The following PTPRK variants were observed in gnomAD, a reference collection of about 807,000 sequenced individuals.
PTPRK encodes protein tyrosine phosphatase receptor type K, also known as receptor-type tyrosine-protein phosphatase kappa.
Under a neutral mutation model 178.0 loss-of-function variants are expected in PTPRK, and 75 were observed. That is an observed-to-expected ratio of 0.42 (90% confidence interval 0.35 to 0.51). PTPRK has a LOEUF of 0.51. Ranked by LOEUF, PTPRK falls within the 20% of genes least tolerant of loss-of-function variation. The pLI is 0.02. For synonymous variants in PTPRK, 637 were observed against 620.6 expected (o/e 1.03, Z -0.39); for missense variants, 1,441 against 1,797.8 (o/e 0.80, Z 3.59).
intron 1 of PTPRK, among the ~76,000 whole-genome samples, chr6:128,513,147 G>C (rs926301061): frequency 6.6e-6 from 1 of 151,994 alleles, no homozygotes; most frequent in Admixed American, 6.6e-5. Flanking sequence ...TTGTTTTGAT[G>C]TGTCTGGAAT....
chr6:128,276,730 T>C (rs1233853137), intron 3 of PTPRK, among the ~76,000 whole-genome samples: 5 of 150,688 alleles, frequency 3.3e-5, no homozygotes, highest in Admixed American at 1.3e-4. Context: ...TGAAGAAACA[T>C]AGAAGGAGTT....
At chr6:128,492,749 A>G (rs932080397) in intron 1 of PTPRK, among the ~76,000 whole-genome samples, 1 of 152,162 alleles carries the variant, frequency 6.6e-6, no homozygotes, top group Admixed American at 6.5e-5. Flanking sequence ...TGGCCTGAAA[A>G]TAGTCTTAAG....
At chr6:127,997,519 C>T (rs903493985) in intron 16 of PTPRK, among the ~76,000 whole-genome samples, 2 of 151,968 alleles carry the variant, frequency 1.3e-5, no homozygotes, top group African/African-American at 4.8e-5. Context: ...AATAGAGTCC[C>T]CTTCTTCAAG....
At chr6:128,319,897 G>C (rs555535140) in intron 3 of PTPRK, among the ~76,000 whole-genome samples, 2 of 152,206 alleles carry the variant, frequency 1.3e-5, no homozygotes, top group South Asian at 2.1e-4. Flanking sequence ...GTAATTTACT[G>C]AGCACTAAGC....
chr6:128,207,826 A>T (rs1222991880), intron 6 of PTPRK, among the ~76,000 whole-genome samples: 2 of 152,164 alleles, frequency 1.3e-5, no homozygotes, highest in African/African-American at 4.8e-5. Context: ...TCCCCTTTTC[A>T]CTGACGCTAA....
At chr6:128,179,582 A>T (rs1035471550) in intron 7 of PTPRK, among the ~76,000 whole-genome samples, 1 of 152,056 alleles carries the variant, frequency 6.6e-6, no homozygotes, top group South Asian at 2.1e-4. Flanking sequence ...AAAAAATTTA[A>T]AGCAAGCATT....
chr6:128,411,502 C>A (rs911936895), intron 1 of PTPRK, among the ~76,000 whole-genome samples: 2 of 152,130 alleles, frequency 1.3e-5, no homozygotes, highest in Admixed American at 1.3e-4. Context: ...GTTCAATGAT[C>A]AAATCTATTC....
chr6:128,170,626 T>C (rs1241620483), intron 7 of PTPRK, among the ~76,000 whole-genome samples: 3 of 152,006 alleles, frequency 2.0e-5, no homozygotes, highest in Non-Finnish European at 4.4e-5. Flanking sequence ...TTCATGGTCA[T>C]CTCTTAAATT....
At chr6:128,039,021 T>C (rs936368625) in intron 13 of PTPRK, among the ~76,000 whole-genome samples, 2 of 152,192 alleles carry the variant, frequency 1.3e-5, no homozygotes, top group Non-Finnish European at 2.9e-5. Context: ...GTTTGGAATG[T>C]AAATTTGTAT....
At chr6:128,151,044 A>T (rs1402389203) in intron 7 of PTPRK, among the ~76,000 whole-genome samples, 2 of 148,546 alleles carry the variant, frequency 1.3e-5, no homozygotes, top group Non-Finnish European at 2.9e-5. Flanking sequence ...AATATAAGGT[A>T]AAAAAAAGTA....
At chr6:128,285,513 T>TA (rs751427928) in intron 3 of PTPRK, among the ~76,000 whole-genome samples, 1,981 of 124,494 alleles carry the variant, frequency 0.016, 21 homozygotes, top group African/African-American at 0.035. Context: ...AGACTCTGTC[T>TA]AAAAAAAAAA....
rs752557971 is a variant in PTPRK at position 128,240,065 on chromosome 6, T to G, written c.663A>C (p.Arg221Ser). 1 of 1,614,020 alleles carries G rather than the reference T, an allele frequency of 6.2e-7. No homozygotes were observed. ...GCCATAACTTGTTATGCACAGCATC[T>G]CTCCCTGTGGCAATGCACTGAAATG... is the stretch of plus-strand genomic sequence containing the variant. ...NATFQCIATG[R>S]DAVHNKLWLQ... Residue 221 changes from arginine (R) to serine (S), a missense_variant, in exon 5 of 30, where the codon AGA (arginine) becomes AGC (serine). Around this residue, in one of 4 missense-constraint regions of PTPRK, gnomAD observed 945 missense variants for 1,080.6 expected, o/e 0.87. Coordinates refer to ENST00000368226, the MANE Select transcript of PTPRK (RefSeq NM_002844.4).
At chr6:128,282,933 C>T (rs72967021) in intron 3 of PTPRK, among the ~76,000 whole-genome samples, 16,233 of 151,374 alleles carry the variant, frequency 0.11, 1,204 homozygotes, top group African/African-American at 0.21. Context: ...GAGATGGCTG[C>T]AGAAAGAGAT....
intron 1 of PTPRK, among the ~76,000 whole-genome samples, chr6:128,438,364 C>T (rs1845874415): frequency 6.6e-6 from 1 of 152,212 alleles, no homozygotes; most frequent in Non-Finnish European, 1.5e-5. Flanking sequence ...AATAATTCTA[C>T]TGTAAGTTTC....
At chr6:128,203,875 T>C (rs865915113) in intron 6 of PTPRK, among the ~76,000 whole-genome samples, 1 of 152,284 alleles carries the variant, frequency 6.6e-6, no homozygotes, top group South Asian at 2.1e-4. Context: ...TTCAATAGCA[T>C]TCCCATTAGA....
chr6:128,273,340 C>G (rs1383103724), intron 3 of PTPRK, among the ~76,000 whole-genome samples: 1 of 151,850 alleles, frequency 6.6e-6, no homozygotes, highest in Non-Finnish European at 1.5e-5. Context: ...CACATGTACC[C>G]TAGAACTTAA....
rs200482971 is a variant in PTPRK at position 128,173,838 on chromosome 6, C to T, written c.1162+10594G>A. Among the ~76,000 whole-genome samples, 6 of 152,090 alleles carry T rather than the reference C, an allele frequency of 3.9e-5. No homozygotes were observed. In the East Asian group the frequency reaches 7.7e-4, roughly 20 times the overall value. On this transcript the variant is annotated intron_variant, in intron 7 of 29. Transcript: ENST00000368226. ...CAGCCTTCTAATCTTTCTGAAATCT[C>T]CTTTCAGTCCTTTTCTTAAACTATC...
At chr6:128,206,537 C>T (rs1012673854) in intron 6 of PTPRK, among the ~76,000 whole-genome samples, 7 of 151,736 alleles carry the variant, frequency 4.6e-5, no homozygotes, top group Non-Finnish European at 8.8e-5. Flanking sequence ...TTAAAACTCG[C>T]TGTAGATAAA....
In PTPRK at chr6:128,184,481, A is replaced by T; in HGVS notation, c.1113T>A (p.Gly371=). Residue 371 remains glycine (G), a synonymous_variant, in exon 7 of 30, where the codon GGT becomes GGA. Coordinates refer to ENST00000368226, the MANE Select transcript of PTPRK (RefSeq NM_002844.4). The part of the protein sequence containing the change: ...IRVLLTRPGE[G]GTGLPGPPLI... ...GTGGAGGTCCTGGGAGCCCCGTTCCACCTTCACCAGGTCTTGTAAGTAGAA... is the reference window on the plus strand; with the variant it reads ...GTGGAGGTCCTGGGAGCCCCGTTCCTCCTTCACCAGGTCTTGTAAGTAGAA... 1 of 1,613,722 alleles carries T rather than the reference A, an allele frequency of 6.2e-7. No individual in the cohort carries two copies. Among genetic ancestry groups the T allele is most frequent in the East Asian group, 2.2e-5 (1 of 44,832 alleles).
Sources: allele counts gnomAD v4.1 joint callset (sites outside exome capture counted in the v4.1 genomes callset), GRCh38; gene constraint gnomAD v4.1.1; regional missense constraint gnomAD v4.1.1; transcripts MANE v1.5; gene names NCBI Gene and HGNC (gene_info 2026-07-23, HGNC 2026-07-21).